Variants in MYZAP observed in about 807,000 individuals in gnomAD.
The protein encoded by MYZAP is myocardial zonula adherens protein.
MYZAP carries 66 observed loss-of-function variants against 69.4 expected under a neutral mutation model. That is an observed-to-expected ratio of 0.95 (90% CI 0.78 to 1.17). The LOEUF is 1.17. Ranked by LOEUF, MYZAP falls within the 50% of genes most tolerant of loss-of-function variation. MYZAP has a pLI of 0.00. For synonymous variants in MYZAP, 256 were observed against 205.9 expected, an observed-to-expected ratio of 1.24 and a Z score of -2.09; for missense variants, 611 against 556.2, an observed-to-expected ratio of 1.10 and a Z score of -0.99.
At chr15:57,673,195 A>G (rs1428583004) in intron 11 of MYZAP, among the ~76,000 whole-genome samples, 1 of 152,144 alleles carries the variant, frequency 6.6e-6, no homozygotes, top group Non-Finnish European at 1.5e-5. Context: ...TCCTCCATTC[A>G]CTGTGTATCA....
chr15:57,637,525 C>T (rs1353959925), intron 8 of MYZAP, among the ~76,000 whole-genome samples, 170 bp from the exon 9 acceptor site: 2 of 152,136 alleles, frequency 1.3e-5, no homozygotes, highest in Non-Finnish European at 2.9e-5. Context: ...TATAAATACA[C>T]AACAACAGAC....
At chr15:57,594,526 T>C (rs2140306665) in intron 1 of MYZAP, among the ~76,000 whole-genome samples, 1 of 152,332 alleles carries the variant, frequency 6.6e-6, no homozygotes, top group Middle Eastern at 3.4e-3. Context: ...ATACTTGGCA[T>C]ATATAATCAT....
intron 6 of MYZAP, among the ~76,000 whole-genome samples, chr15:57,631,808 C>T (rs889139548): frequency 6.6e-6 from 1 of 152,328 alleles, no homozygotes; most frequent in African/African-American, 2.4e-5. Flanking sequence ...CTGCAATAGG[C>T]GATAACCTGG....
chr15:57,647,309 G>A lies in MYZAP; in HGVS notation c.1119+7764G>A, dbSNP rs143476748. On this transcript the variant is annotated intron_variant, in intron 10 of 12. Transcript: ENST00000267853. ...TGTTTAGACACAGATCCCCAGATAC[G>A]ATGCTGGGTATTCAGACTTCCACTA... is the stretch of plus-strand genomic sequence containing the variant. 9.3e-5 allele frequency: 92 copies of A among 985,376 alleles called. No homozygotes were observed. The East Asian group carries it at 6.5e-3, about 69-fold the overall frequency. 61.0% of individuals were successfully genotyped at this position (985,376 alleles called of 1,614,324 possible).
chr15:57,645,159 A>G (rs1286932728), intron 10 of MYZAP, among the ~76,000 whole-genome samples: 1 of 152,256 alleles, frequency 6.6e-6, no homozygotes, highest in African/African-American at 2.4e-5. Context: ...TTCAAGGCAA[A>G]GCAGAATATT....
chr15:57,644,205 C>T (rs1387911219), intron 10 of MYZAP, among the ~76,000 whole-genome samples: 2 of 152,212 alleles, frequency 1.3e-5, no homozygotes, highest in Non-Finnish European at 2.9e-5. Context: ...TGCTGGGTTT[C>T]ATGTTCATGC....
At chr15:57,659,194 A>G (rs1439334362) in intron 10 of MYZAP, among the ~76,000 whole-genome samples, 1 of 152,082 alleles carries the variant, frequency 6.6e-6, no homozygotes, top group Non-Finnish European at 1.5e-5. Flanking sequence ...GCCCAAGGGG[A>G]GACACCTCAT....
At chr15:57,674,767 G>A (rs936310496) in intron 11 of MYZAP, among the ~76,000 whole-genome samples, 23 of 152,218 alleles carry the variant, frequency 1.5e-4, no homozygotes, top group Admixed American at 1.0e-3. Context: ...GCACATGTCT[G>A]TACATGCATA....
intron 1 of MYZAP, among the ~76,000 whole-genome samples, chr15:57,602,363 C>T (rs572257379): frequency 6.6e-6 from 1 of 152,264 alleles, no homozygotes; most frequent in East Asian, 1.9e-4. Flanking sequence ...GTTCCAGGCC[C>T]TTCTCCTTGG....
At position 57,591,949 on chromosome 15, in the gene MYZAP, T is replaced by A. The variant is rs1450435804; in HGVS notation, c.-86T>A. ...TGCAAGTAGCCGGCGCCGTCCCGCG[T>A]CGCCCCCGCGCAGGGCGGGCCCCGC... On this transcript the variant is annotated 5_prime_UTR_variant, in exon 1 of 13. Coordinates refer to ENST00000267853, the MANE Select transcript of MYZAP (RefSeq NM_001018100.5). The A allele has an allele frequency of 1.4e-5, 16 of 1,176,084 alleles. No individual in the cohort carries two copies. Among genetic ancestry groups the A allele is most frequent in the South Asian group, 3.3e-5 (1 of 30,236 alleles). The allele number at this position is 1,176,084 out of a possible 1,614,324, so 72.9% of individuals were successfully genotyped here.
intron 5 of MYZAP, among the ~76,000 whole-genome samples, chr15:57,627,987 A>T (rs1289990646): frequency 1.3e-5 from 2 of 152,182 alleles, no homozygotes. Context: ...CTTTTTCTTG[A>T]TTCAAGTAGG....
intron 10 of MYZAP, among the ~76,000 whole-genome samples, chr15:57,660,167 T>C (rs550476691): frequency 3.3e-5 from 5 of 152,124 alleles, no homozygotes; most frequent in Non-Finnish European, 7.4e-5. Flanking sequence ...CCTTTGTTCA[T>C]ATCATTTCAT....
At chr15:57,599,945 C>T (rs1377245432) in intron 1 of MYZAP, among the ~76,000 whole-genome samples, 3 of 152,176 alleles carry the variant, frequency 2.0e-5, no homozygotes, top group Admixed American at 2.0e-4. Flanking sequence ...CTCTTCCCGA[C>T]ATATTTTCTC....
At chr15:57,624,722 T>A (rs1425947333) in intron 4 of MYZAP, among the ~76,000 whole-genome samples, 1 of 152,216 alleles carries the variant, frequency 6.6e-6, no homozygotes, top group East Asian at 1.9e-4. Context: ...ACTGGTCTCC[T>A]CCTTCTCCAA....
intron 2 of MYZAP, among the ~76,000 whole-genome samples, chr15:57,616,136 A>T (rs184738925): frequency 1.3e-5 from 2 of 152,280 alleles, no homozygotes; most frequent in Non-Finnish European, 2.9e-5. Context: ...GAATGGGATC[A>T]TAAAGTACTT....
chr15:57,604,766 A>C (rs2034640736), intron 2 of MYZAP, among the ~76,000 whole-genome samples: 1 of 152,210 alleles, frequency 6.6e-6, no homozygotes, highest in Non-Finnish European at 1.5e-5. Flanking sequence ...CTGCTCCCGC[A>C]GAAGAGAGGA....
chr15:57,634,125 C>T lies in MYZAP; in HGVS notation c.933+384C>T, dbSNP rs78541461. Among the ~76,000 whole-genome samples the T allele has an allele frequency of 3.3e-3, 502 of 152,122 alleles. 2 individuals carry two copies. Among genetic ancestry groups the T allele is most frequent in the Middle Eastern group, 0.01 (3 of 294 alleles). The stretch of plus-strand genomic sequence containing the variant: ...CTCAAGGGTTGGCTTTTCCTTGACA[C>T]GCTGGGGACTTGAGAGAGTAGGGAG... On this transcript the variant is annotated intron_variant, in intron 8 of 12. Transcript: ENST00000267853.
chr15:57,641,533 G>GTGGTCTC (rs1198012436), intron 10 of MYZAP, among the ~76,000 whole-genome samples: 1 of 152,276 alleles, frequency 6.6e-6, no homozygotes, highest in East Asian at 1.9e-4. Flanking sequence ...GATGTGGTCT[G>GTGGTCTC]TGGTCTGGAA....
intron 11 of MYZAP, among the ~76,000 whole-genome samples, chr15:57,673,741 A>C (rs2038987845): frequency 6.6e-6 from 1 of 152,158 alleles, no homozygotes; most frequent in African/African-American, 2.4e-5. Context: ...AACCTTTCAG[A>C]GCGGGAGCTA....
Sources: allele counts gnomAD v4.1 joint callset (sites outside exome capture counted in the v4.1 genomes callset), GRCh38; gene constraint gnomAD v4.1.1; transcripts MANE v1.5; gene names NCBI Gene and HGNC (gene_info 2026-07-23, HGNC 2026-07-21).